Variants in TUSC3 observed in about 807,000 individuals in gnomAD.
TUSC3 encodes dolichyl-diphosphooligosaccharide--protein glycosyltransferase subunit TUSC3.
A neutral mutation model predicts 44.8 loss-of-function variants in TUSC3; 45 were observed. The ratio of observed to expected loss-of-function variants is 1.00; its 90% CI spans 0.79 to 1.29. The LOEUF is 1.29. Ranked by LOEUF, TUSC3 falls within the 50% of genes most tolerant of loss-of-function variation. The pLI is 0.00. For synonymous variants in TUSC3, 212 were observed against 152.9 expected (o/e 1.39, Z -2.85); for missense variants, 519 against 437.9 (o/e 1.19, Z -1.65).
chr8:15,514,841 G>A (rs1801194101), intron 2 of TUSC3, among the ~76,000 whole-genome samples: 3 of 152,140 alleles, frequency 2.0e-5, no homozygotes, highest in Admixed American at 2.0e-4. Flanking sequence ...TAGGCTGATT[G>A]ATTTCAACTC....
chr8:15,617,793 T>C (rs1805060918), intron 1 of TUSC3, among the ~76,000 whole-genome samples: 1 of 152,174 alleles, frequency 6.6e-6, no homozygotes, highest in African/African-American at 2.4e-5. Flanking sequence ...TTTGAAACCA[T>C]CCTCCCAACC....
chr8:15,686,949 T>G (rs929489560), intron 6 of TUSC3, among the ~76,000 whole-genome samples: 10 of 152,016 alleles, frequency 6.6e-5, no homozygotes, highest in Non-Finnish European at 8.8e-5. Context: ...GCGCCTGTAG[T>G]CCGGTCCCAG....
At chr8:15,600,563 T>A (rs1238226876) in intron 1 of TUSC3, among the ~76,000 whole-genome samples, 1 of 151,676 alleles carries the variant, frequency 6.6e-6, no homozygotes, top group East Asian at 1.9e-4. Context: ...TCTTGTTTGC[T>A]TTGTCTTAGT....
intron 1 of TUSC3, among the ~76,000 whole-genome samples, chr8:15,564,104 A>C (rs1802578997): frequency 6.6e-6 from 1 of 152,158 alleles, no homozygotes; most frequent in Admixed American, 6.5e-5. Context: ...TGAAGTTTCA[A>C]AATTTTTAAA....
chr8:15,424,663 G>A (rs922113778), intron 1 of TUSC3, among the ~76,000 whole-genome samples: 2 of 152,102 alleles, frequency 1.3e-5, no homozygotes, highest in South Asian at 2.1e-4. Context: ...GATGGATCAC[G>A]AGGTCAGGAG....
chr8:15,708,109 A>G (rs1809693970), intron 6 of TUSC3, among the ~76,000 whole-genome samples: 1 of 151,962 alleles, frequency 6.6e-6, no homozygotes, highest in African/African-American at 2.4e-5. Context: ...TTTCCAAATA[A>G]GGTCACAGTC....
At chr8:15,796,486 G>C in the TUSC3 span, among the ~76,000 whole-genome samples, 1 of 152,158 alleles carries the variant, frequency 6.6e-6, no homozygotes, top group African/African-American at 2.4e-5. Context: ...CAGTGAGAAT[G>C]GCCTTGAGCT....
At chr8:15,488,184 C>T (rs144894608) in intron 2 of TUSC3, among the ~76,000 whole-genome samples, 94 of 152,104 alleles carry the variant, frequency 6.2e-4, no homozygotes, top group African/African-American at 2.2e-3. Context: ...CTTCACTATC[C>T]ACTTTGAATA....
chr8:15,437,356 G>T (rs1344762216), intron 1 of TUSC3, among the ~76,000 whole-genome samples: 1 of 152,080 alleles, frequency 6.6e-6, no homozygotes, highest in African/African-American at 2.4e-5. Context: ...ACATTTCTAA[G>T]CAGCTTTTAT....
At chr8:15,756,486 T>G (rs1215968587) in intron 9 of TUSC3, among the ~76,000 whole-genome samples, 2 of 152,200 alleles carry the variant, frequency 1.3e-5, no homozygotes, top group African/African-American at 4.8e-5. Flanking sequence ...CTTTGTCGCA[T>G]TATGTTTTTC....
At chr8:15,635,156 G>A (rs1039039994) in intron 2 of TUSC3, among the ~76,000 whole-genome samples, 3 of 152,028 alleles carry the variant, frequency 2.0e-5, no homozygotes, top group Non-Finnish European at 4.4e-5. Flanking sequence ...CATTATGCCC[G>A]GGAATGGTCA....
intron 1 of TUSC3, among the ~76,000 whole-genome samples, chr8:15,594,739 A>T (rs1223345161): frequency 6.6e-6 from 1 of 152,150 alleles, no homozygotes; most frequent in East Asian, 1.9e-4. Flanking sequence ...ACTCTTATGA[A>T]TCAGGTTCGC....
chr8:15,632,295 CT>C (rs1030799982), intron 2 of TUSC3, among the ~76,000 whole-genome samples: 7 of 152,032 alleles, frequency 4.6e-5, no homozygotes, highest in African/African-American at 1.7e-4. Context: ...AGCAACTTGC[CT>C]TTTATAGTGT....
At chr8:15,611,603 C>T (rs536096746) in intron 1 of TUSC3, among the ~76,000 whole-genome samples, 1 of 152,182 alleles carries the variant, frequency 6.6e-6, no homozygotes, top group South Asian at 2.1e-4. Flanking sequence ...GGAATTTTTG[C>T]TTTCTTTATG....
rs913933083 is a variant in TUSC3 at position 15,480,040 on chromosome 8, C to A, written n.92-3346C>A. ...CAGAGAGCCAAATCATGAATGAATG[C>A]CCATTTACAATTGCTACAAAGAGAA... On this transcript the variant is annotated intron_variant and non_coding_transcript_variant, in intron 1 of 5. Coordinates refer to the TUSC3 transcript ENST00000503191. Among the ~76,000 whole-genome samples the A allele has an allele frequency of 3.3e-5, 5 of 152,178 alleles. No homozygotes were observed. The South Asian group carries it at 1.0e-3, about 32-fold the overall frequency.
intron 6 of TUSC3, among the ~76,000 whole-genome samples, chr8:15,710,995 C>T (rs1410831343): frequency 6.6e-6 from 1 of 151,448 alleles, no homozygotes; most frequent in Non-Finnish European, 1.5e-5. Flanking sequence ...CAAGTCACCC[C>T]TCAAGGGTTT....
At chr8:15,654,532 A>T (rs11990811) in intron 3 of TUSC3, among the ~76,000 whole-genome samples, 2 of 151,950 alleles carry the variant, frequency 1.3e-5, no homozygotes, top group African/African-American at 4.8e-5. Context: ...GCATTGCAGG[A>T]GCTTGTGTTT....
At chr8:15,569,703 G>A (rs1453808721) in intron 1 of TUSC3, among the ~76,000 whole-genome samples, 5 of 152,008 alleles carry the variant, frequency 3.3e-5, no homozygotes, top group Non-Finnish European at 4.4e-5. Context: ...TAGGGTAGAC[G>A]GTTTGAAAAT....
intron 6 of TUSC3, among the ~76,000 whole-genome samples, chr8:15,711,888 T>G (rs1809867928): frequency 1.3e-5 from 2 of 151,934 alleles, no homozygotes; most frequent in South Asian, 4.1e-4. Context: ...ACCCCCAGTT[T>G]GATCGTCACG....
Sources: allele counts gnomAD v4.1 joint callset (sites outside exome capture counted in the v4.1 genomes callset), GRCh38; gene constraint gnomAD v4.1.1; transcripts MANE v1.5; gene names NCBI Gene and HGNC (gene_info 2026-07-23, HGNC 2026-07-21).